Variants in MEMO1 observed in about 807,000 individuals in gnomAD.
The protein encoded by MEMO1 is protein MEMO1.
MEMO1 carries 6 observed loss-of-function variants against 45.2 expected under a neutral mutation model. The observed-to-expected ratio is 0.13, with a 90% CI of 0.07 to 0.26. The LOEUF (loss-of-function observed/expected upper bound fraction) is 0.26. MEMO1 is among the 10% of genes least tolerant of loss of function. The pLI is 1.00. For synonymous variants in MEMO1, 78 were observed against 124.3 expected, an observed-to-expected ratio of 0.63 and a Z score of 2.48; for missense variants, 184 against 370.5, an observed-to-expected ratio of 0.50 and a Z score of 4.13.
At chr2:32,002,551 A>G (rs569038975) in intron 2 of MEMO1, among the ~76,000 whole-genome samples, 15 of 152,104 alleles carry the variant, frequency 9.9e-5, no homozygotes, top group African/African-American at 3.4e-4. Context: ...CCTGCCCCTA[A>G]TACCAAACTC....
intron 3 of MEMO1, among the ~76,000 whole-genome samples, chr2:31,939,755 A>T (rs1381059156): frequency 6.6e-6 from 1 of 152,154 alleles, no homozygotes; most frequent in Non-Finnish European, 1.5e-5. Context: ...GACTCACTTC[A>T]TATACAAACA....
intron 8 of MEMO1, among the ~76,000 whole-genome samples, chr2:31,871,496 T>TAC (rs539321318): frequency 0.025 from 647 of 25,488 alleles, 9 homozygotes; most frequent in African/African-American, 0.065. Context: ...ATATTCCATA[T>TAC]ATACACACAC....
chr2:32,009,778 G>A (rs1166481369), intron 2 of MEMO1, among the ~76,000 whole-genome samples: 1 of 152,152 alleles, frequency 6.6e-6, no homozygotes, highest in African/African-American at 2.4e-5. Flanking sequence ...AGCGGGGCTC[G>A]GCGCCGGGCA....
chr2:31,957,266 T>C (rs1027059542), intron 2 of MEMO1, among the ~76,000 whole-genome samples: 1 of 152,128 alleles, frequency 6.6e-6, no homozygotes, highest in Non-Finnish European at 1.5e-5. Context: ...CGTACATGTA[T>C]TATCTATCAA....
chr2:31,933,871 C>A (rs553030883), intron 3 of MEMO1, among the ~76,000 whole-genome samples: 1 of 152,260 alleles, frequency 6.6e-6, no homozygotes, highest in East Asian at 1.9e-4. Context: ...TGGCTCAGCA[C>A]ACTCAGTTTT....
intron 3 of MEMO1, among the ~76,000 whole-genome samples, chr2:31,937,522 T>G (rs947968631): frequency 1.3e-5 from 2 of 152,212 alleles, no homozygotes; most frequent in African/African-American, 2.4e-5. Context: ...GGTAGAGCAC[T>G]GTACAGGTAT....
At chr2:31,968,144 G>C (rs1475321781) in intron 2 of MEMO1, among the ~76,000 whole-genome samples, 1 of 152,152 alleles carries the variant, frequency 6.6e-6, no homozygotes, top group Non-Finnish European at 1.5e-5. Context: ...TAAAAATTAA[G>C]ACTCTCCAAA....
chr2:31,875,697 T>C (rs1558469665), intron 8 of MEMO1, among the ~76,000 whole-genome samples: 2 of 152,042 alleles, frequency 1.3e-5, no homozygotes, highest in South Asian at 4.1e-4. Flanking sequence ...TTATTTTTTT[T>C]CTTTTTGAGA....
chr2:31,937,516 G>A (rs1326890552), intron 3 of MEMO1, among the ~76,000 whole-genome samples: 2 of 152,178 alleles, frequency 1.3e-5, no homozygotes, highest in African/African-American at 4.8e-5. Context: ...TCCAGTGGTA[G>A]AGCACTGTAC....
At chr2:32,009,462 C>T (rs373599536) in intron 2 of MEMO1, among the ~76,000 whole-genome samples, 2 of 152,182 alleles carry the variant, frequency 1.3e-5, no homozygotes, top group East Asian at 3.9e-4. Flanking sequence ...ACAGATCTCC[C>T]CATGCAGAGA....
intron 2 of MEMO1, among the ~76,000 whole-genome samples, chr2:31,985,159 C>A (rs951070814): frequency 6.6e-6 from 1 of 152,108 alleles, no homozygotes; most frequent in African/African-American, 2.4e-5. Flanking sequence ...TATTTTACAA[C>A]ACAGTAAAAC....
chr2:31,871,871 A>C, intron 8 of MEMO1, among the ~76,000 whole-genome samples: 1 of 151,994 alleles, frequency 6.6e-6, no homozygotes, highest in Admixed American at 6.6e-5. Context: ...AAAATTAGCC[A>C]GTCATGGTGG....
intron 2 of MEMO1, 79 bp downstream of exon 2, chr2:32,010,108 C>T: frequency 1.4e-6 from 1 of 736,388 alleles, no homozygotes; most frequent in Non-Finnish European, 1.7e-6. Flanking sequence ...CGCCGCGGGG[C>T]CGGGCCGCCG....
rs1045631873 is a variant in MEMO1 at position 31,978,905 on chromosome 2, T to G, written c.61+31282A>C. Among the ~76,000 whole-genome samples, 13 of 152,202 alleles carry G rather than the reference T, an allele frequency of 8.5e-5. 1 individual carries two copies. The highest frequency in any genetic ancestry group is 1.8e-4 in the Non-Finnish European group (12 of 68,048). ...AAAATTTTTTTCATAAGGCAATACT[T>G]TGCCTATGGAATCACATTTTCCCAG... is the stretch of plus-strand genomic sequence containing the variant. On this transcript the variant is annotated intron_variant, in intron 2 of 9. Transcript: ENST00000404530.
At chr2:31,933,915 C>T (rs993855645) in intron 3 of MEMO1, among the ~76,000 whole-genome samples, 2 of 152,136 alleles carry the variant, frequency 1.3e-5, no homozygotes, top group Non-Finnish European at 2.9e-5. Flanking sequence ...ATACTAGAGC[C>T]TTACCAGGAG....
At chr2:31,928,018 GTC>G (rs1441044516) in intron 4 of MEMO1, among the ~76,000 whole-genome samples, 1 of 152,178 alleles carries the variant, frequency 6.6e-6, no homozygotes, top group Non-Finnish European at 1.5e-5. Flanking sequence ...TAATCACTGT[GTC>G]TCTAGCACTA....
Position 31,967,598 on chromosome 2 carries a change from AC to A in MEMO1, c.62-24216del, listed in dbSNP as rs371127247. Among the ~76,000 whole-genome samples, 561 of 152,122 alleles carry A rather than the reference AC, an allele frequency of 3.7e-3. 3 individuals carry two copies. The highest frequency in any genetic ancestry group is 0.013 in the African/African-American group (539 of 41,492). On this transcript the variant is annotated intron_variant, in intron 2 of 9. Coordinates refer to ENST00000404530, the MANE Select transcript of MEMO1 (RefSeq NM_001301833.4). ...AAGTAACTGGGGACTGCAGGCATGC[AC>A]CATCACACCTGGCTAATTATTTTTT...
chr2:31,977,033 C>G (rs1246072076), intron 2 of MEMO1, among the ~76,000 whole-genome samples: 1 of 151,638 alleles, frequency 6.6e-6, no homozygotes, highest in Non-Finnish European at 1.5e-5. Context: ...ATATACAGCA[C>G]CTAATAAAGG....
At chr2:31,997,351 A>G (rs1476124562) in intron 2 of MEMO1, among the ~76,000 whole-genome samples, 4 of 152,178 alleles carry the variant, frequency 2.6e-5, no homozygotes, top group Non-Finnish European at 5.9e-5. Flanking sequence ...TACGCACTAT[A>G]TTCAGAAAGA....
Sources: allele counts gnomAD v4.1 joint callset (sites outside exome capture counted in the v4.1 genomes callset), GRCh38; gene constraint gnomAD v4.1.1; transcripts MANE v1.5; gene names NCBI Gene and HGNC (gene_info 2026-07-23, HGNC 2026-07-21).